The following CLMN variants were observed in gnomAD, a reference collection of about 807,000 sequenced individuals.
CLMN encodes the protein calmin (calponin-like, transmembrane).
Under a neutral mutation model 92.7 loss-of-function variants are expected in CLMN, and 57 were observed. The observed-to-expected ratio is 0.61, with a 90% CI of 0.50 to 0.77. The LOEUF (loss-of-function observed/expected upper bound fraction) is 0.77, where lower values mean the gene tolerates loss of function less well. Among genes scored for constraint, CLMN ranks in the 30% least tolerant of loss-of-function variants. The pLI is 0.00. For synonymous variants in CLMN, 466 were observed against 470.6 expected, an observed-to-expected ratio of 0.99 and a Z score of 0.13; for missense variants, 1,158 against 1,237.5, an observed-to-expected ratio of 0.94 and a Z score of 0.96.
intron 1 of CLMN, among the ~76,000 whole-genome samples, chr14:95,231,764 A>G (rs1306821775): frequency 6.6e-6 from 1 of 152,224 alleles, no homozygotes; most frequent in Non-Finnish European, 1.5e-5. Flanking sequence ...TGGAAATGGA[A>G]GGCTTGAGTT....
Position 95,182,846 on chromosome 14 carries a change from T to C in CLMN, c.*8718A>G, listed in dbSNP as rs1056158327. On this transcript the variant is annotated 3_prime_UTR_variant, in exon 13 of 13. Coordinates refer to ENST00000298912, the MANE Select transcript of CLMN (RefSeq NM_024734.4). ...CGTAATTTAAGGAGACCAATTTCCT[T>C]CTAACAGCCCTAGGAAGCAGATTTC... 6.6e-6 allele frequency: 1 copy of C among 152,152 alleles called. No individual in the cohort carries two copies. The highest frequency in any genetic ancestry group is 1.5e-5 in the Non-Finnish European group (1 of 68,024). The allele number at this position is 152,152 out of a possible 1,614,324, so 9.4% of individuals were successfully genotyped here.
At chr14:95,301,915 G>C (rs992430895) in intron 1 of CLMN, among the ~76,000 whole-genome samples, 1 of 152,194 alleles carries the variant, frequency 6.6e-6, no homozygotes, top group Non-Finnish European at 1.5e-5. Flanking sequence ...CAGACACCAA[G>C]TCTGACATGC....
chr14:95,215,449 C>T lies in CLMN; in HGVS notation c.417+192G>A, dbSNP rs570989026. ...ATATTCTCTTCTAGAGAACTTGCAC[C>T]GCTTTTAAAATCACAGAGACTCAAA... On this transcript the variant is annotated intron_variant, in intron 5 of 12. Transcript: ENST00000298912. 9.2e-5 allele frequency among the ~76,000 whole-genome samples: 14 copies of T among 152,262 alleles called. No individual in the cohort carries two copies. The East Asian group carries it at 1.7e-3, about 19-fold the overall frequency.
At position 95,191,455 on chromosome 14, in the gene CLMN, C is replaced by G; in HGVS notation, c.*109G>C. 1.3e-6 allele frequency: 1 copy of G among 744,064 alleles called. No homozygotes were observed. The highest frequency in any genetic ancestry group is 2.0e-6 in the Non-Finnish European group (1 of 512,342). 46.1% of individuals were successfully genotyped at this position (744,064 alleles called of 1,614,324 possible). A position where few individuals can be genotyped will look rare whatever the true frequency, so the allele number is the denominator to read the frequency against. On this transcript the variant is annotated 3_prime_UTR_variant, in exon 13 of 13. Coordinates refer to ENST00000298912, the MANE Select transcript of CLMN (RefSeq NM_024734.4). The surrounding 1 kb of genome is among the most constrained non-coding windows in gnomAD (Gnocchi z 5.3). ...GCGAGAAAGGGGGTCTAAGTTTCCT[C>G]GGAGGTCCTCAACTGTCTGTAGAAG...
In CLMN at chr14:95,263,466, C is replaced by T. The variant is rs151003772; in HGVS notation, c.83-33333G>A. ...ATTACCCACTGGGGTCTGGCACCTACAAGCCTGAAAGATCCAGACACTGAT... is the reference window on the plus strand; with the variant it reads ...ATTACCCACTGGGGTCTGGCACCTATAAGCCTGAAAGATCCAGACACTGAT... On this transcript the variant is annotated intron_variant, in intron 1 of 12. Transcript: ENST00000298912. 4.6e-5 allele frequency among the ~76,000 whole-genome samples: 7 copies of T among 152,284 alleles called. No homozygotes were observed. The East Asian group carries it at 9.7e-4, about 21-fold the overall frequency.
intron 6 of CLMN, among the ~76,000 whole-genome samples, chr14:95,212,809 G>A (rs1389715251): frequency 3.8e-5 from 5 of 131,904 alleles, no homozygotes; most frequent in Middle Eastern, 8.4e-3. Context: ...TTTTTGAGAT[G>A]TTGTCTCGCT....
rs1232635604 is a variant in CLMN at position 95,228,472 on chromosome 14, AG to A, written c.144+1599del. On this transcript the variant is annotated intron_variant, in intron 2 of 12. Transcript: ENST00000298912. Reference sequence around the variant, plus strand: ...CACTGCGTCACATGTTCTACACGTCAGGAGTGGAGGTGTGGGTGGCCGAATG... The same window carrying A: ...CACTGCGTCACATGTTCTACACGTCAGAGTGGAGGTGTGGGTGGCCGAATG... Among the ~76,000 whole-genome samples, 9 of 152,328 alleles carry A rather than the reference AG, an allele frequency of 5.9e-5. No homozygotes were observed. The East Asian group carries it at 1.7e-3, about 29-fold the overall frequency.
chr14:95,312,055 C>A (rs1901563486), intron 1 of CLMN, among the ~76,000 whole-genome samples: 1 of 152,140 alleles, frequency 6.6e-6, no homozygotes, highest in African/African-American at 2.4e-5. Context: ...CTGTTGCCGC[C>A]ACCGTGTTCT....
chr14:95,228,128 T>G (rs918818990), intron 2 of CLMN, among the ~76,000 whole-genome samples: 2 of 152,206 alleles, frequency 1.3e-5, no homozygotes, highest in African/African-American at 4.8e-5. Context: ...ATTCACCACG[T>G]GACCCTCTGT....
At chr14:95,316,092 T>C (rs1901757869) in intron 1 of CLMN, among the ~76,000 whole-genome samples, 1 of 152,196 alleles carries the variant, frequency 6.6e-6, no homozygotes, top group Non-Finnish European at 1.5e-5. Context: ...GCAGCCAGAC[T>C]AGCCTGTCTT....
intron 10 of CLMN, among the ~76,000 whole-genome samples, chr14:95,195,958 G>C (rs1171733630): frequency 6.6e-6 from 1 of 152,124 alleles, no homozygotes; most frequent in Middle Eastern, 3.2e-3. Context: ...TATCCTCCCT[G>C]CTCCCTCCTT....
intron 1 of CLMN, among the ~76,000 whole-genome samples, chr14:95,313,588 T>A (rs546629008): frequency 2.4e-4 from 36 of 152,034 alleles, no homozygotes; most frequent in South Asian, 8.3e-4. Flanking sequence ...TTATGATTTC[T>A]GATGCTGCCT....
At chr14:95,299,402 G>A (rs1032210400) in intron 1 of CLMN, among the ~76,000 whole-genome samples, 7 of 152,162 alleles carry the variant, frequency 4.6e-5, no homozygotes, top group Admixed American at 1.3e-4. Flanking sequence ...CTCTCCTCCA[G>A]CCCCACGGGA....
At chr14:95,301,327 A>T (rs969969025) in intron 1 of CLMN, among the ~76,000 whole-genome samples, 1 of 152,232 alleles carries the variant, frequency 6.6e-6, no homozygotes, top group Non-Finnish European at 1.5e-5. Flanking sequence ...TCAAATGGGC[A>T]GTACCACTCC....
At chr14:95,299,054 T>C (rs1334817730) in intron 1 of CLMN, among the ~76,000 whole-genome samples, 1 of 152,238 alleles carries the variant, frequency 6.6e-6, no homozygotes, top group Non-Finnish European at 1.5e-5. Flanking sequence ...TACACATTTA[T>C]TGAGTGCCCT....
intron 9 of CLMN, among the ~76,000 whole-genome samples, chr14:95,198,672 A>G (rs1896792927): frequency 6.6e-6 from 1 of 152,174 alleles, no homozygotes; most frequent in Non-Finnish European, 1.5e-5. Flanking sequence ...AGTGAGATCC[A>G]TGTAAGATGG....
intron 1 of CLMN, among the ~76,000 whole-genome samples, chr14:95,242,362 G>C (rs1036732146): frequency 7.0e-6 from 1 of 142,570 alleles, no homozygotes; most frequent in African/African-American, 2.6e-5. Context: ...AGGTTCAAGC[G>C]ATTCTCCTGC....
intron 1 of CLMN, among the ~76,000 whole-genome samples, chr14:95,268,918 C>T (rs2140717067): frequency 6.6e-6 from 1 of 150,812 alleles, no homozygotes; most frequent in East Asian, 2.0e-4. Flanking sequence ...ATTTTCCTGC[C>T]TCAGCCTCCC....
chr14:95,250,383 T>C (rs1202766696), intron 1 of CLMN, among the ~76,000 whole-genome samples: 1 of 152,244 alleles, frequency 6.6e-6, no homozygotes, highest in Non-Finnish European at 1.5e-5. Flanking sequence ...CTATACATAC[T>C]TCAGTAATAA....
Sources: allele counts gnomAD v4.1 joint callset (sites outside exome capture counted in the v4.1 genomes callset), GRCh38; gene constraint gnomAD v4.1.1; non-coding constraint Gnocchi (gnomAD v3.1); transcripts MANE v1.5; gene names NCBI Gene and HGNC (gene_info 2026-07-23, HGNC 2026-07-21).